RIMS1: variants seen among roughly 807,000 people sequenced by gnomAD.
RIMS1 encodes regulating synaptic membrane exocytosis protein 1.
Under a neutral mutation model 214.1 loss-of-function variants are expected in RIMS1, and 83 were observed. The ratio of observed to expected loss-of-function variants is 0.39; its 90% confidence interval spans 0.32 to 0.47. The LOEUF (loss-of-function observed/expected upper bound fraction) is 0.47, where lower values mean the gene tolerates loss of function less well. RIMS1 is among the 20% of genes least tolerant of loss of function. The pLI, the probability that RIMS1 is intolerant of heterozygous loss-of-function variation, is 0.99. For missense variants in RIMS1, 2,050 were observed against 2,161.8 expected, an observed-to-expected ratio of 0.95 and a Z score of 1.03; for synonymous variants, 793 against 786.8, an observed-to-expected ratio of 1.01 and a Z score of -0.13.
rs1561991956 is a variant in RIMS1 at position 71,968,495 on chromosome 6, G to A, written c.165-488G>A. On this transcript the variant is annotated intron_variant, in intron 1 of 33. Coordinates refer to ENST00000521978, the MANE Select transcript of RIMS1 (RefSeq NM_014989.7). ...GCATGAGGAAATTTTGAACAAGGGGGATGCCTTGAGGCCTCTCAGATCTTT... is the reference window on the plus strand; with the variant it reads ...GCATGAGGAAATTTTGAACAAGGGGAATGCCTTGAGGCCTCTCAGATCTTT... Among the ~76,000 whole-genome samples the A allele has an allele frequency of 3.3e-5, 5 of 152,188 alleles. No individual in the cohort carries two copies. The South Asian group carries it at 1.0e-3, about 32-fold the overall frequency.
At chr6:71,911,454 A>G (rs1776897579) in intron 1 of RIMS1, among the ~76,000 whole-genome samples, 1 of 152,156 alleles carries the variant, frequency 6.6e-6, no homozygotes, top group Non-Finnish European at 1.5e-5. Context: ...TTAAATTCTT[A>G]TAAGTTAGAT....
intron 1 of RIMS1, among the ~76,000 whole-genome samples, chr6:71,923,462 G>A (rs181101372): frequency 2.0e-5 from 3 of 152,240 alleles, no homozygotes; most frequent in Admixed American, 2.0e-4. Context: ...AGGGGCATGC[G>A]TCACTGTCAT....
At chr6:72,026,967 T>C (rs1355713570) in intron 2 of RIMS1, among the ~76,000 whole-genome samples, 1 of 152,320 alleles carries the variant, frequency 6.6e-6, no homozygotes. Context: ...GGAAAATCAT[T>C]TTCTTCCATC....
At chr6:72,106,734 A>T (rs532063243) in intron 4 of RIMS1, among the ~76,000 whole-genome samples, 1 of 152,240 alleles carries the variant, frequency 6.6e-6, no homozygotes, top group Non-Finnish European at 1.5e-5. Context: ...ATTACGTGTC[A>T]GACTAGTGTA....
intron 19 of RIMS1, chr6:72,263,581 A>G (rs2079006559): frequency 1.0e-6 from 1 of 985,230 alleles, no homozygotes; most frequent in Non-Finnish European, 1.2e-6. Flanking sequence ...TTTTGAAGCA[A>G]TGCTTAGAAA....
chr6:72,136,172 A>T (rs1269088537), intron 4 of RIMS1, among the ~76,000 whole-genome samples: 2 of 152,340 alleles, frequency 1.3e-5, no homozygotes, highest in East Asian at 1.9e-4. Flanking sequence ...CACTGGTTTA[A>T]GAAAAACAAA....
chr6:71,921,136 T>C (rs1488933844), intron 1 of RIMS1, among the ~76,000 whole-genome samples: 1 of 152,120 alleles, frequency 6.6e-6, no homozygotes, highest in East Asian at 1.9e-4. Flanking sequence ...TTTTATTTTA[T>C]TTTATTTTTT....
At chr6:72,075,393 C>T (rs1036040010) in intron 2 of RIMS1, among the ~76,000 whole-genome samples, 1 of 152,158 alleles carries the variant, frequency 6.6e-6, no homozygotes, top group African/African-American at 2.4e-5. Flanking sequence ...CAAGCATGAG[C>T]CACTGTACTC....
intron 2 of RIMS1, among the ~76,000 whole-genome samples, chr6:72,000,763 T>C (rs1804926465): frequency 1.3e-5 from 2 of 152,308 alleles, no homozygotes; most frequent in South Asian, 4.1e-4. Context: ...TCCTCAGCTT[T>C]AGACATTTGC....
At chr6:72,256,201 A>T (rs1298242825) in intron 16 of RIMS1, among the ~76,000 whole-genome samples, 7 of 152,088 alleles carry the variant, frequency 4.6e-5, no homozygotes, top group Non-Finnish European at 8.8e-5. Context: ...ATAAATGTAT[A>T]TTTATTTAAG....
intron 1 of RIMS1, among the ~76,000 whole-genome samples, chr6:71,899,472 GTA>G (rs1491214854): frequency 1.3e-4 from 20 of 149,048 alleles, no homozygotes; most frequent in African/African-American, 4.9e-4. Context: ...ACTTGTATTT[GTA>G]TACACACACA....
chr6:72,258,904 C>G, intron 17 of RIMS1, 82 bp from the exon 18 acceptor site: 1 of 1,298,704 alleles, frequency 7.7e-7, no homozygotes, highest in Admixed American at 1.7e-5. Flanking sequence ...GCATATTACT[C>G]TCAGTTCCTT....
At chr6:71,940,465 G>A (rs906665307) in intron 1 of RIMS1, among the ~76,000 whole-genome samples, 2 of 152,166 alleles carry the variant, frequency 1.3e-5, no homozygotes, top group Non-Finnish European at 1.5e-5. Flanking sequence ...CTCATGGAAT[G>A]GGTCAAAGAG....
intron 31 of RIMS1, among the ~76,000 whole-genome samples, chr6:72,394,585 A>C (rs1329969289): frequency 2.6e-5 from 4 of 152,106 alleles, no homozygotes; most frequent in Non-Finnish European, 1.5e-5. Context: ...AATCAGATAA[A>C]AATATTGAAA....
At chr6:72,256,051 A>G (rs544672088) in intron 16 of RIMS1, among the ~76,000 whole-genome samples, 21 of 150,734 alleles carry the variant, frequency 1.4e-4, no homozygotes, top group Non-Finnish European at 2.8e-4. Flanking sequence ...AAAAAATTTA[A>G]TCCCAGTCAT....
chr6:72,248,743 T>TA (rs1361583698), intron 12 of RIMS1, among the ~76,000 whole-genome samples: 1 of 152,216 alleles, frequency 6.6e-6, no homozygotes, highest in Non-Finnish European at 1.5e-5. Context: ...TTCAAATTGT[T>TA]ACACAAATAA....
intron 29 of RIMS1, chr6:72,365,751 A>G (rs1231439828): frequency 2.0e-5 from 3 of 152,222 alleles, no homozygotes; most frequent in African/African-American, 7.2e-5. Context: ...TCTAGACTCT[A>G]ATGTTTTTAA....
intron 1 of RIMS1, among the ~76,000 whole-genome samples, chr6:71,940,305 A>G (rs1463474507): frequency 1.3e-5 from 2 of 152,218 alleles, no homozygotes; most frequent in African/African-American, 4.8e-5. Flanking sequence ...GAATTTTTCA[A>G]AATCACACTG....
intron 2 of RIMS1, among the ~76,000 whole-genome samples, chr6:72,025,777 G>T (rs1816246720): frequency 6.6e-6 from 1 of 152,212 alleles, no homozygotes; most frequent in Non-Finnish European, 1.5e-5. Context: ...TCTATGAGTG[G>T]TTCAGGCTTG....
Sources: allele counts gnomAD v4.1 joint callset (sites outside exome capture counted in the v4.1 genomes callset), GRCh38; gene constraint gnomAD v4.1.1; transcripts MANE v1.5; gene names NCBI Gene and HGNC (gene_info 2026-07-23, HGNC 2026-07-21).